Variants in CHD9 observed in about 807,000 individuals in gnomAD.
CHD9 encodes chromodomain helicase DNA binding protein 9.
A neutral mutation model predicts 316.1 loss-of-function variants in CHD9; 77 were observed. The ratio of observed to expected loss-of-function variants is 0.24; its 90% CI spans 0.20 to 0.29. The LOEUF (loss-of-function observed/expected upper bound fraction) is 0.29. CHD9 is among the 10% of genes least tolerant of loss of function. The probability of loss-of-function intolerance (pLI) is 1.00; values close to 1 mark genes in which losing one functional copy is unlikely to be tolerated. For missense variants in CHD9, 2,763 were observed against 3,438.1 expected, an observed-to-expected ratio of 0.80 and a Z score of 4.91; for synonymous variants, 1,129 against 1,158.3, an observed-to-expected ratio of 0.97 and a Z score of 0.51.
At chr16:53,063,250 G>A (rs149449697) in intron 1 of CHD9, among the ~76,000 whole-genome samples, 306 of 151,964 alleles carry the variant, frequency 2.0e-3, no homozygotes, top group African/African-American at 6.7e-3. Context: ...GTTAAATAAC[G>A]TGCCCAAAGT....
At chr16:53,286,927 A>G (rs897508665) in intron 26 of CHD9, among the ~76,000 whole-genome samples, 2 of 152,156 alleles carry the variant, frequency 1.3e-5, no homozygotes, top group Non-Finnish European at 2.9e-5. Flanking sequence ...GACAAAAAAA[A>G]AAGTCTGTAC....
At chr16:53,128,313 G>C (rs1318090980) in intron 1 of CHD9, among the ~76,000 whole-genome samples, 2 of 152,170 alleles carry the variant, frequency 1.3e-5, no homozygotes, top group African/African-American at 2.4e-5. Flanking sequence ...CTCCCGAGTA[G>C]CTGGGATTAC....
At chr16:53,194,859 G>GTTACTGT (rs2044761201) in intron 2 of CHD9, among the ~76,000 whole-genome samples, 1 of 152,174 alleles carries the variant, frequency 6.6e-6, no homozygotes, top group African/African-American at 2.4e-5. Context: ...ATATTTCTCT[G>GTTACTGT]TTACTGTTTT....
At chr16:53,064,592 T>C (rs2033315534) in intron 1 of CHD9, among the ~76,000 whole-genome samples, 1 of 152,188 alleles carries the variant, frequency 6.6e-6, no homozygotes, top group African/African-American at 2.4e-5. Flanking sequence ...GAAGGTTCTT[T>C]AGTGCACTTG....
chr16:53,268,841 C>T (rs1234582386), intron 22 of CHD9, among the ~76,000 whole-genome samples: 2 of 152,082 alleles, frequency 1.3e-5, no homozygotes, highest in Admixed American at 6.6e-5. Flanking sequence ...TTTGCTCTGT[C>T]CCCCAGGCTA....
chr16:53,202,215 A>G (rs925865824), intron 2 of CHD9, among the ~76,000 whole-genome samples: 4 of 152,144 alleles, frequency 2.6e-5, no homozygotes, highest in African/African-American at 9.7e-5. Context: ...CCTAAAAAAG[A>G]TAACCATAAT....
At chr16:53,068,412 C>A (rs2033716748) in intron 1 of CHD9, among the ~76,000 whole-genome samples, 1 of 152,186 alleles carries the variant, frequency 6.6e-6, no homozygotes, top group Admixed American at 6.5e-5. Context: ...CCCCGCCGAT[C>A]CAGCATTCTC....
At chr16:53,322,514 C>T (rs2057342308) in intron 38 of CHD9, among the ~76,000 whole-genome samples, 1 of 151,538 alleles carries the variant, frequency 6.6e-6, no homozygotes, top group South Asian at 2.1e-4. Flanking sequence ...ATCACTTGAA[C>T]CCAGGAGGCA....
intron 2 of CHD9, chr16:53,168,545 G>A (rs144463256): frequency 1.3e-3 from 200 of 152,146 alleles, no homozygotes; most frequent in African/African-American, 4.6e-3. Flanking sequence ...TAGAAACTTG[G>A]CTCTAAATTT....
At chr16:53,305,355 C>G (rs1332208092) in intron 31 of CHD9, among the ~76,000 whole-genome samples, 1 of 152,234 alleles carries the variant, frequency 6.6e-6, no homozygotes, top group Non-Finnish European at 1.5e-5. Flanking sequence ...GCCACCACAC[C>G]TGGCCTGTTT....
chr16:53,069,301 G>A (rs1242106388), intron 1 of CHD9, among the ~76,000 whole-genome samples: 1 of 152,186 alleles, frequency 6.6e-6, no homozygotes, highest in Non-Finnish European at 1.5e-5. Context: ...ACCGCGCCCA[G>A]CCTGCATTTT....
At chr16:53,169,307 A>G (rs947116855) in intron 2 of CHD9, 1 of 152,202 alleles carries the variant, frequency 6.6e-6, no homozygotes, top group East Asian at 1.9e-4. Flanking sequence ...CAGCCCTCCC[A>G]CCTTGACCTC....
intron 2 of CHD9, among the ~76,000 whole-genome samples, chr16:53,201,233 T>TA (rs781704704): frequency 3.9e-4 from 59 of 152,226 alleles, no homozygotes; most frequent in South Asian, 1.2e-3. Flanking sequence ...TTTGATGTTT[T>TA]AAAAATATAC....
At chr16:53,193,715 A>T (rs1409313186) in intron 2 of CHD9, among the ~76,000 whole-genome samples, 1 of 152,152 alleles carries the variant, frequency 6.6e-6, no homozygotes, top group Non-Finnish European at 1.5e-5. Context: ...GAACACTAAC[A>T]TTTACCGAGT....
intron 1 of CHD9, among the ~76,000 whole-genome samples, chr16:53,098,781 C>T (rs955122160): frequency 6.6e-5 from 10 of 152,132 alleles, no homozygotes; most frequent in Non-Finnish European, 1.5e-4. Flanking sequence ...AAACATCTGA[C>T]GTTTGTGTAA....
chr16:53,304,450 T>G lies in CHD9; in HGVS notation c.6444T>G (p.Ser2148=). The G allele has an allele frequency of 6.3e-7, 1 of 1,579,380 alleles. No homozygotes were observed. The highest frequency in any genetic ancestry group is 8.6e-7 in the Non-Finnish European group (1 of 1,162,524). ...GATCATCTTGTTCTTCCAGATCATC[T>G]TCTTCCTCATCATCCTCTTCTTGCT... The part of the protein sequence containing the change: ...SERSSCSSRS[S]SSSSSSSCSH... Residue 2148 remains serine (S), a synonymous_variant, in exon 31 of 39, where the codon TCT becomes TCG. Transcript: ENST00000447540.
chr16:53,257,829 G>T (rs975645967), intron 19 of CHD9, among the ~76,000 whole-genome samples: 3 of 152,090 alleles, frequency 2.0e-5, no homozygotes, highest in Non-Finnish European at 4.4e-5. Flanking sequence ...ACTAAAACTA[G>T]TCATGACTAA....
intron 1 of CHD9, among the ~76,000 whole-genome samples, chr16:53,132,382 A>G (rs1281389932): frequency 6.6e-6 from 1 of 152,052 alleles, no homozygotes; most frequent in Non-Finnish European, 1.5e-5. Flanking sequence ...CCTTTTTTCC[A>G]GTTCTTAAAA....
chr16:53,299,482 T>A, intron 30 of CHD9: 1 of 265,828 alleles, frequency 3.8e-6, no homozygotes, highest in Non-Finnish European at 7.4e-6. Context: ...TATATCAGTC[T>A]GCGCTCTGCA....
Sources: gnomAD v4.1 joint callset for allele counts (sites outside exome capture counted in the v4.1 genomes callset) on GRCh38, gnomAD v4.1.1 for gene constraint, MANE v1.5 for transcripts, NCBI Gene and HGNC (gene_info 2026-07-23, HGNC 2026-07-21) for gene names.